Variants in CEP170 observed in about 807,000 individuals in gnomAD.
The protein encoded by CEP170 is centrosomal protein of 170 kDa.
CEP170 carries 21 observed loss-of-function variants against 151.9 expected under a neutral mutation model. That is an observed-to-expected ratio of 0.14 (90% CI 0.10 to 0.20). The LOEUF (loss-of-function observed/expected upper bound fraction) is 0.20. Among genes scored for constraint, CEP170 ranks in the 10% least tolerant of loss-of-function variants. CEP170 has a pLI of 1.00. For missense variants in CEP170, 964 were observed against 1,892.9 expected, an observed-to-expected ratio of 0.51 and a Z score of 9.11; for synonymous variants, 356 against 648.8, an observed-to-expected ratio of 0.55 and a Z score of 6.86.
intron 3 of CEP170, among the ~76,000 whole-genome samples, chr1:243,213,052 C>A (rs7539093): frequency 6.6e-6 from 1 of 151,782 alleles, no homozygotes; most frequent in Non-Finnish European, 1.5e-5. Context: ...CTGATATATC[C>A]AAAATAGTAC....
intron 13 of CEP170, among the ~76,000 whole-genome samples, chr1:243,159,763 T>TTGTGTGTGTGTGTGTGTGTG (rs565534328): frequency 0.032 from 4,057 of 126,968 alleles, 140 homozygotes; most frequent in South Asian, 0.042. Context: ...GTTTCCGGTT[T>TTGTGTGTGTGTGTGTGTGTG]TGTGTGTGTG....
intron 4 of CEP170, among the ~76,000 whole-genome samples, chr1:243,206,886 T>C: frequency 6.6e-6 from 1 of 151,888 alleles, no homozygotes; most frequent in South Asian, 2.1e-4. Flanking sequence ...TAAAGACAAA[T>C]TATAAGTCCT....
intron 2 of CEP170, among the ~76,000 whole-genome samples, chr1:243,222,369 A>G (rs1237973695): frequency 6.6e-6 from 1 of 152,240 alleles, no homozygotes; most frequent in Non-Finnish European, 1.5e-5. Context: ...AGTCAAAAGA[A>G]AGGTATTTTA....
chr1:243,233,590 G>A (rs564447158), intron 1 of CEP170, among the ~76,000 whole-genome samples: 84 of 151,710 alleles, frequency 5.5e-4, no homozygotes, highest in African/African-American at 2.0e-3. Flanking sequence ...AAAATTAGCC[G>A]ATTGTGGTGG....
intron 9 of CEP170, 90 bp downstream of exon 9, chr1:243,186,169 G>C (rs1361292425): frequency 6.2e-7 from 1 of 1,613,144 alleles, no homozygotes; most frequent in Non-Finnish European, 8.5e-7. Flanking sequence ...CCTGACACAA[G>C]ATTCCCGCAC....
chr1:243,131,318 C>T (rs1271661609), intron 17 of CEP170, among the ~76,000 whole-genome samples: 3 of 151,826 alleles, frequency 2.0e-5, no homozygotes, highest in African/African-American at 7.3e-5. Context: ...ATGGCGAGAC[C>T]TCGTCTCTAT....
At chr1:243,158,466 A>G (rs993329148) in intron 13 of CEP170, among the ~76,000 whole-genome samples, 4 of 152,196 alleles carry the variant, frequency 2.6e-5, no homozygotes, top group African/African-American at 9.6e-5. Context: ...CAGACAGTTA[A>G]TTTTGAGGTA....
intron 4 of CEP170, chr1:243,211,459 A>G (rs2061798431): frequency 1.3e-5 from 2 of 159,118 alleles, no homozygotes; most frequent in African/African-American, 4.8e-5. Context: ...AGTTAACGGG[A>G]GGGATGGAAG....
intron 1 of CEP170, among the ~76,000 whole-genome samples, chr1:243,249,945 C>T (rs528898768): frequency 1.6e-4 from 25 of 152,260 alleles, no homozygotes; most frequent in African/African-American, 5.8e-4. Context: ...GCCGGGCGTG[C>T]CTGTAGTCCC....
intron 1 of CEP170, among the ~76,000 whole-genome samples, chr1:243,239,641 T>C (rs1326922649): frequency 6.6e-6 from 1 of 152,206 alleles, no homozygotes; most frequent in Non-Finnish European, 1.5e-5. Context: ...AGCTCTATGC[T>C]GTCCCAAGAC....
intron 2 of CEP170, among the ~76,000 whole-genome samples, chr1:243,224,204 C>T (rs1255951216): frequency 6.6e-6 from 1 of 152,170 alleles, no homozygotes; most frequent in East Asian, 1.9e-4. Context: ...CTAACAAAGA[C>T]TGCTAACTTA....
intron 1 of CEP170, among the ~76,000 whole-genome samples, chr1:243,231,153 GCATCATCATCATCAT>G (rs74162260): frequency 2.1e-5 from 3 of 142,118 alleles, no homozygotes; most frequent in Admixed American, 7.3e-5. Flanking sequence ...TATCTTTCAA[GCATCATCATCATCAT>G]CATCATCATC....
intron 1 of CEP170, among the ~76,000 whole-genome samples, chr1:243,252,483 T>C (rs1274076927): frequency 6.6e-6 from 1 of 152,158 alleles, no homozygotes. Flanking sequence ...TAAAACTAGT[T>C]CTTTTTTTCA....
chr1:243,198,273 T>C (rs1226226382), intron 7 of CEP170, among the ~76,000 whole-genome samples: 2 of 152,120 alleles, frequency 1.3e-5, no homozygotes, highest in Non-Finnish European at 2.9e-5. Flanking sequence ...ATTCATTTCC[T>C]GGAAGTCTTG....
At chr1:243,132,084 G>A (rs2789226) in intron 17 of CEP170, among the ~76,000 whole-genome samples, 1 of 152,132 alleles carries the variant, frequency 6.6e-6, no homozygotes, top group Non-Finnish European at 1.5e-5. Flanking sequence ...ATTTAAAAAT[G>A]GATTCCACAG....
At chr1:243,205,612 C>G (rs2061363815) in intron 4 of CEP170, among the ~76,000 whole-genome samples, 1 of 152,104 alleles carries the variant, frequency 6.6e-6, no homozygotes, top group Non-Finnish European at 1.5e-5. Flanking sequence ...ATCTTAGAAG[C>G]CTAACAAATC....
intron 13 of CEP170, among the ~76,000 whole-genome samples, chr1:243,161,319 A>C (rs1218824795): frequency 1.3e-5 from 2 of 150,808 alleles, no homozygotes; most frequent in Non-Finnish European, 3.0e-5. Context: ...AAAAAAAAAG[A>C]AGCACTGAAA....
chr1:243,163,318 T>C (rs1424694764), intron 13 of CEP170: 2 of 152,230 alleles, frequency 1.3e-5, no homozygotes, highest in Non-Finnish European at 2.9e-5. Context: ...TCATGTCCGT[T>C]GTAACAGCTG....
intron 7 of CEP170, among the ~76,000 whole-genome samples, chr1:243,196,027 A>C (rs184130711): frequency 6.6e-6 from 1 of 152,226 alleles, no homozygotes; most frequent in African/African-American, 2.4e-5. Flanking sequence ...CATCTAGCAG[A>C]AAGAGTACAC....
Sources: gnomAD v4.1 joint callset for allele counts (sites outside exome capture counted in the v4.1 genomes callset) on GRCh38, gnomAD v4.1.1 for gene constraint, MANE v1.5 for transcripts, NCBI Gene and HGNC (gene_info 2026-07-23, HGNC 2026-07-21) for gene names.